The following B3GLCT variants were observed in gnomAD, a reference collection of about 807,000 sequenced individuals.
B3GLCT encodes beta-1,3-glucosyltransferase.
Under a neutral mutation model 63.4 loss-of-function variants are expected in B3GLCT, and 65 were observed. The observed-to-expected ratio is 1.03, with a 90% CI of 0.84 to 1.26. B3GLCT has a LOEUF of 1.26. Ranked by LOEUF, B3GLCT falls within the 50% of genes most tolerant of loss-of-function variation. The probability of loss-of-function intolerance (pLI) is 0.00; values close to 1 mark genes in which losing one functional copy is unlikely to be tolerated. For missense variants in B3GLCT, 577 were observed against 604.8 expected, an observed-to-expected ratio of 0.95 and a Z score of 0.48; for synonymous variants, 233 against 219.2, an observed-to-expected ratio of 1.06 and a Z score of -0.55.
chr13:31,286,017 A>G (rs776214765), intron 11 of B3GLCT, among the ~76,000 whole-genome samples: 2 of 152,234 alleles, frequency 1.3e-5, no homozygotes, highest in Non-Finnish European at 2.9e-5. Context: ...AGTCATTAAT[A>G]TAAGTTAATA....
At chr13:31,302,338 T>C (rs560833555) in intron 12 of B3GLCT, among the ~76,000 whole-genome samples, 6 of 152,034 alleles carry the variant, frequency 3.9e-5, no homozygotes, top group Admixed American at 2.6e-4. Flanking sequence ...GATGGCCGAA[T>C]AGGAACAGCT....
chr13:31,309,611 A>G (rs561911604), intron 12 of B3GLCT, among the ~76,000 whole-genome samples: 1 of 152,360 alleles, frequency 6.6e-6, no homozygotes, highest in East Asian at 1.9e-4. Context: ...ATTTTAAAGG[A>G]TATTATCAAG....
At chr13:31,282,921 T>C (rs1412176081) in intron 10 of B3GLCT, 2 of 152,220 alleles carry the variant, frequency 1.3e-5, no homozygotes, top group African/African-American at 2.4e-5. Flanking sequence ...TACTATGTCC[T>C]AGGCACTGTG....
intron 14 of B3GLCT, 80 bp downstream of exon 14, chr13:31,323,975 T>G: frequency 1.3e-6 from 2 of 1,537,034 alleles, no homozygotes; most frequent in South Asian, 2.2e-5. Context: ...CTTCTTTCTC[T>G]TCACATATTC....
chr13:31,286,144 A>G (rs571765860), intron 11 of B3GLCT, among the ~76,000 whole-genome samples: 8 of 152,304 alleles, frequency 5.3e-5, no homozygotes, highest in African/African-American at 1.9e-4. Flanking sequence ...AAAGCATTGT[A>G]ATTTATCTAT....
intron 4 of B3GLCT, among the ~76,000 whole-genome samples, chr13:31,235,318 G>T (rs972309552): frequency 4.6e-5 from 7 of 152,050 alleles, no homozygotes; most frequent in African/African-American, 1.5e-4. Context: ...GAAAGATTTG[G>T]CCAGAAGATG....
At position 31,289,866 on chromosome 13, in the gene B3GLCT, GT is replaced by G. The variant is rs575565433; in HGVS notation, c.1064+3059del. 4.4e-3 allele frequency among the ~76,000 whole-genome samples: 639 copies of G among 145,548 alleles called. 4 individuals carry two copies. Among genetic ancestry groups the G allele is most frequent in the East Asian group, 0.012 (60 of 5,008 alleles). ...CTGACATTTTCCAATAACATTGGTA[GT>G]TTTTTTTTTTTAATTATACTTTAAG... On this transcript the variant is annotated intron_variant, in intron 12 of 14. Transcript: ENST00000343307.
intron 12 of B3GLCT, 144 bp from the exon 13 acceptor site, chr13:31,317,417 ATTTAT>A (rs1183251391): frequency 1.0e-4 from 92 of 879,294 alleles, no homozygotes; most frequent in Non-Finnish European, 7.2e-6. Flanking sequence ...TAAAAATTTT[ATTTAT>A]TTTATAAGTC....
At chr13:31,281,409 T>C (rs1830335493) in intron 10 of B3GLCT, among the ~76,000 whole-genome samples, 1 of 152,230 alleles carries the variant, frequency 6.6e-6, no homozygotes, top group East Asian at 1.9e-4. Flanking sequence ...GGCTTACATG[T>C]ACTGTGGTAC....
intron 4 of B3GLCT, among the ~76,000 whole-genome samples, chr13:31,243,894 T>C (rs1212248845): frequency 2.6e-5 from 4 of 152,252 alleles, no homozygotes; most frequent in Non-Finnish European, 5.9e-5. Context: ...AAGCGACCTT[T>C]TCATTTTCTT....
chr13:31,258,437 T>C (rs1871850556), intron 6 of B3GLCT, among the ~76,000 whole-genome samples: 1 of 152,180 alleles, frequency 6.6e-6, no homozygotes, highest in Non-Finnish European at 1.5e-5. Context: ...CCATATTTAA[T>C]ACTACTACGC....
intron 1 of B3GLCT, among the ~76,000 whole-genome samples, chr13:31,207,577 T>C (rs940844451): frequency 6.6e-6 from 1 of 152,226 alleles, no homozygotes; most frequent in Non-Finnish European, 1.5e-5. Flanking sequence ...CACTATCTAC[T>C]GTGCTTCCTG....
intron 7 of B3GLCT, among the ~76,000 whole-genome samples, chr13:31,264,201 A>T (rs947113696): frequency 1.3e-5 from 2 of 152,156 alleles, no homozygotes; most frequent in African/African-American, 4.8e-5. Flanking sequence ...ACTTCAGCCT[A>T]TGAATTTGAG....
chr13:31,255,521 T>C (rs1188301596), intron 6 of B3GLCT, among the ~76,000 whole-genome samples: 2 of 152,156 alleles, frequency 1.3e-5, no homozygotes, highest in African/African-American at 2.4e-5. Flanking sequence ...AGAACAAAGC[T>C]GGAGGCATCA....
intron 1 of B3GLCT, among the ~76,000 whole-genome samples, chr13:31,201,417 A>G (rs1384766354): frequency 2.0e-5 from 3 of 152,332 alleles, no homozygotes; most frequent in South Asian, 2.1e-4. Flanking sequence ...TAAAAATATT[A>G]GGGCACCTCC....
At chr13:31,253,423 C>T (rs2097850958) in intron 6 of B3GLCT, among the ~76,000 whole-genome samples, 1 of 151,688 alleles carries the variant, frequency 6.6e-6, no homozygotes, top group Non-Finnish European at 1.5e-5. Context: ...AACCCCGTCT[C>T]TACTAAAAGT....
At position 31,220,318 on chromosome 13, in the gene B3GLCT, T is replaced by C. The variant is rs372478923; in HGVS notation, c.121-2634T>C. Among the ~76,000 whole-genome samples, 5 of 152,322 alleles carry C rather than the reference T, an allele frequency of 3.3e-5. No individual in the cohort carries two copies. In the East Asian group the frequency reaches 9.6e-4, roughly 29 times the overall value. ...CTTTTGTGACTTAAAAAATAAAACC[T>C]GTGTCAAAGGGTGACTTTAATGTGC... is the stretch of plus-strand genomic sequence containing the variant. On this transcript the variant is annotated intron_variant, in intron 2 of 14. Coordinates refer to ENST00000343307, the MANE Select transcript of B3GLCT (RefSeq NM_194318.4).
chr13:31,308,355 A>AAAAC (rs764377075), intron 12 of B3GLCT, among the ~76,000 whole-genome samples: 23,088 of 54,758 alleles, frequency 0.42, 4,017 homozygotes, highest in Non-Finnish European at 0.55. Flanking sequence ...ATTAAAAAAA[A>AAAAC]AAAAACAAAA....
chr13:31,285,199 G>C (rs1566081250), intron 11 of B3GLCT, among the ~76,000 whole-genome samples: 1 of 152,082 alleles, frequency 6.6e-6, no homozygotes, highest in African/African-American at 2.4e-5. Context: ...ATTTTAATTA[G>C]TAAATTGTTG....
Sources: allele counts gnomAD v4.1 joint callset (sites outside exome capture counted in the v4.1 genomes callset), GRCh38; gene constraint gnomAD v4.1.1; transcripts MANE v1.5; gene names NCBI Gene and HGNC (gene_info 2026-07-23, HGNC 2026-07-21).